The following ADAMDEC1 variants were observed in gnomAD, a reference collection of about 807,000 sequenced individuals.
The protein encoded by ADAMDEC1 is ADAM like decysin 1, also known as ADAM DEC1.
A neutral mutation model predicts 60.4 loss-of-function variants in ADAMDEC1; 62 were observed. The observed-to-expected ratio is 1.03, with a 90% CI of 0.84 to 1.27. The LOEUF is 1.27. ADAMDEC1 is among the 50% of genes most tolerant of loss of function. The pLI is 0.00. For missense variants in ADAMDEC1, 595 were observed against 565.0 expected (o/e 1.05, Z -0.54); for synonymous variants, 210 against 195.1 (o/e 1.08, Z -0.64).
intron 1 of ADAMDEC1, among the ~76,000 whole-genome samples, chr8:24,385,068 C>A (rs1222511355): frequency 6.6e-6 from 1 of 152,118 alleles, no homozygotes; most frequent in Non-Finnish European, 1.5e-5. Context: ...GGAAAAGGAA[C>A]CCTTTTTGTC....
intron 12 of ADAMDEC1, 106 bp from the exon 13 acceptor site, chr8:24,403,897 C>T: frequency 2.4e-6 from 2 of 830,878 alleles, no homozygotes; most frequent in Non-Finnish European, 3.8e-6. Context: ...AGTAATTTAC[C>T]TTAAAAAGTA....
intron 13 of ADAMDEC1, among the ~76,000 whole-genome samples, chr8:24,404,448 G>T (rs2129363508): frequency 6.6e-6 from 1 of 152,230 alleles, no homozygotes; most frequent in Non-Finnish European, 1.5e-5. Context: ...TTGGTTAAAA[G>T]CTGATAGTTT....
chr8:24,384,404 T>C lies in ADAMDEC1; in HGVS notation c.-101T>C. ...ATTTCCCAACACTCTTAAGAAACAT[T>C]CCCCAATCTCACACGAAAAGTGGGG... is the stretch of plus-strand genomic sequence containing the variant. On this transcript the variant is annotated 5_prime_UTR_variant, in exon 1 of 14. Coordinates refer to ENST00000256412, the MANE Select transcript of ADAMDEC1 (RefSeq NM_014479.3). 1.1e-6 allele frequency: 1 copy of C among 921,558 alleles called. No homozygotes were observed. Among genetic ancestry groups the C allele is most frequent in the East Asian group, 2.8e-5 (1 of 35,266 alleles). The allele number at this position is 921,558 out of a possible 1,614,324, so 57.1% of individuals were successfully genotyped here.
At chr8:24,392,452 A>T in intron 2 of ADAMDEC1, 72 bp downstream of exon 2, 1 of 1,109,012 alleles carries the variant, frequency 9.0e-7, no homozygotes, top group South Asian at 1.5e-5. Context: ...TTTCACTAAC[A>T]GAAGTGATGT....
intron 12 of ADAMDEC1, among the ~76,000 whole-genome samples, 180 bp from the exon 13 acceptor site, chr8:24,403,823 T>C (rs555996525): frequency 6.6e-6 from 1 of 152,328 alleles, no homozygotes; most frequent in South Asian, 2.1e-4. Context: ...TCTTCATTGC[T>C]GATAATATTT....
chr8:24,389,314 T>G (rs6984203), intron 1 of ADAMDEC1, among the ~76,000 whole-genome samples: 3,560 of 152,274 alleles, frequency 0.023, 138 homozygotes, highest in African/African-American at 0.082. Context: ...CAAAAATATC[T>G]AGTCATCCTT....
intron 6 of ADAMDEC1, 71 bp from the exon 7 acceptor site, chr8:24,397,612 T>A: frequency 6.6e-7 from 1 of 1,504,554 alleles, no homozygotes; most frequent in South Asian, 1.2e-5. Flanking sequence ...GGAAAACAAG[T>A]CTCCTTTTAA....
At chr8:24,388,371 A>G (rs1817349848) in intron 1 of ADAMDEC1, among the ~76,000 whole-genome samples, 1 of 152,122 alleles carries the variant, frequency 6.6e-6, no homozygotes, top group Non-Finnish European at 1.5e-5. Context: ...CTACTTCTAC[A>G]GAGTTTTCAT....
intron 4 of ADAMDEC1, 43 bp from the exon 5 acceptor site, chr8:24,395,677 C>A: frequency 1.5e-6 from 2 of 1,356,876 alleles, no homozygotes; most frequent in Non-Finnish European, 2.1e-6. Flanking sequence ...CATACACACA[C>A]ACACACACAT....
chr8:24,392,859 G>A (rs1054841134), intron 2 of ADAMDEC1, among the ~76,000 whole-genome samples: 4 of 62,974 alleles, frequency 6.4e-5, no homozygotes, highest in African/African-American at 2.3e-4. Context: ...TTTTGTAATT[G>A]TTACCTAATT....
Position 24,405,393 on chromosome 8 carries a change from G to A in ADAMDEC1, c.*95G>A. The A allele has an allele frequency of 7.2e-7, 1 of 1,390,042 alleles. No homozygotes were observed. 86.1% of individuals were successfully genotyped at this position (1,390,042 alleles called of 1,614,324 possible). The stretch of plus-strand genomic sequence containing the variant: ...AATCTTGTGAATTTTCACCCATAAT[G>A]GTCTTTCACTTGTCATTCTACTTTC... On this transcript the variant is annotated 3_prime_UTR_variant, in exon 14 of 14. Transcript: ENST00000256412.
intron 13 of ADAMDEC1, among the ~76,000 whole-genome samples, chr8:24,404,954 A>G (rs1817853457): frequency 6.6e-6 from 1 of 152,134 alleles, no homozygotes; most frequent in African/African-American, 2.4e-5. Flanking sequence ...TAGCATCACA[A>G]AAGAAAAAAA....
rs1338382107 is a variant in ADAMDEC1, at chr8:24,398,856, T to C, written c.763-18T>C. 6.2e-7 allele frequency: 1 copy of C among 1,609,784 alleles called. No homozygotes were observed. The highest frequency in any genetic ancestry group is 2.2e-5 in the East Asian group (1 of 44,768). On this transcript the variant is annotated intron_variant, in intron 8 of 13. Coordinates refer to ENST00000256412, the MANE Select transcript of ADAMDEC1 (RefSeq NM_014479.3). Reference sequence around the variant, plus strand: ...GGAATCCTGAACATTTTTATGAAGATAAATGCTCTTTCCACAGATATATAA... The same window carrying C: ...GGAATCCTGAACATTTTTATGAAGACAAATGCTCTTTCCACAGATATATAA...
rs2291577 is a variant in ADAMDEC1, at chr8:24,398,957, C to A, written c.846C>A (p.Ser282Arg). 2 of 1,613,108 alleles carry A rather than the reference C, an allele frequency of 1.2e-6. No individual in the cohort carries two copies. The highest frequency in any genetic ancestry group is 2.7e-5 in the African/African-American group (2 of 74,806). The change falls in exon 9 of 14, where the codon AGC becomes AGA. Residue 282 changes from serine (S) to arginine (R), a missense_variant. Coordinates refer to ENST00000256412, the MANE Select transcript of ADAMDEC1 (RefSeq NM_014479.3). ...SDGDKIKVVP[S>R]ASTTFDNFLR... ...GGGATAAGATAAAGGTGGTGCCCAG[C>A]GCAAGCACCACGTTTGACAACTTCC...
At chr8:24,391,131 G>C (rs1380089527) in intron 1 of ADAMDEC1, among the ~76,000 whole-genome samples, 1 of 152,080 alleles carries the variant, frequency 6.6e-6, no homozygotes, top group East Asian at 1.9e-4. Flanking sequence ...AGAACTTTGG[G>C]AGCTGACTAG....
At position 24,398,877 on chromosome 8, in the gene ADAMDEC1, T is replaced by C. The variant is rs769630468; in HGVS notation, c.766T>C (p.Tyr256His). The C allele has an allele frequency of 1.6e-5, 26 of 1,613,186 alleles. No homozygotes were observed. In the South Asian group the frequency reaches 2.8e-4, roughly 17 times the overall value. The part of the protein sequence containing the change: ...FDVMNLLNVI[Y>H]NTIDVQVALV... ...AAGATAAATGCTCTTTCCACAGATA[T>C]ATAACACCATAGATGTTCAAGTGGC... The change falls in exon 9 of 14, where the codon TAT becomes CAT. Residue 256 changes from tyrosine (Y) to histidine (H), a missense_variant. Tyr to His is a moderately conservative substitution (Grantham distance 83). Transcript: ENST00000256412.
chr8:24,398,486 A>G lies in ADAMDEC1; in HGVS notation c.697A>G (p.Asn233Asp), dbSNP rs202134010. 2.9e-5 allele frequency: 45 copies of G among 1,575,028 alleles called. No homozygotes were observed. Among genetic ancestry groups the G allele is most frequent in the Non-Finnish European group, 3.7e-5 (43 of 1,149,048 alleles). ...TGTGTTTTGTATTTTACAGTATAAG[A>G]ACTATAATGAGAATCTAACTCTGAT... Reference protein sequence around the residue: ...YLVLDNAFYKNYNENLTLIRS... With the variant: ...YLVLDNAFYKDYNENLTLIRS... Residue 233 changes from asparagine (N) to aspartate (D), a missense_variant, in exon 8 of 14, where the codon AAC becomes GAC. By Grantham distance (23) the Asn-to-Asp change is conservative. Transcript: ENST00000256412.
intron 12 of ADAMDEC1, among the ~76,000 whole-genome samples, chr8:24,402,403 T>C (rs898791560): frequency 6.6e-6 from 1 of 152,150 alleles, no homozygotes; most frequent in Non-Finnish European, 1.5e-5. Context: ...CAGTTGATCA[T>C]CTGTTGAACA....
chr8:24,398,768 C>T (rs1227058548), intron 8 of ADAMDEC1, 106 bp from the exon 9 acceptor site: 1 of 1,236,420 alleles, frequency 8.1e-7, no homozygotes, highest in Non-Finnish European at 1.1e-6. Flanking sequence ...AATGGAAATT[C>T]ATTACTTGTA....
Sources: allele counts gnomAD v4.1 joint callset (sites outside exome capture counted in the v4.1 genomes callset), GRCh38; gene constraint gnomAD v4.1.1; transcripts MANE v1.5; gene names NCBI Gene and HGNC (gene_info 2026-07-23, HGNC 2026-07-21).